SLC25A21: variants seen among roughly 807,000 people sequenced by gnomAD.
SLC25A21 encodes mitochondrial 2-oxodicarboxylate carrier.
Under a neutral mutation model 43.8 loss-of-function variants are expected in SLC25A21, and 47 were observed. That is an observed-to-expected ratio of 1.07 (90% CI 0.85 to 1.37). SLC25A21 has a LOEUF of 1.37. Among genes scored for constraint, SLC25A21 ranks in the 40% most tolerant of loss-of-function variants. The pLI is 0.00. For synonymous variants in SLC25A21, 131 were observed against 121.3 expected, an observed-to-expected ratio of 1.08 and a Z score of -0.52; for missense variants, 352 against 350.2, an observed-to-expected ratio of 1.00 and a Z score of -0.04.
At chr14:37,125,600 G>C (rs1963283466) in intron 1 of SLC25A21, among the ~76,000 whole-genome samples, 1 of 152,190 alleles carries the variant, frequency 6.6e-6, no homozygotes, top group African/African-American at 2.4e-5. Context: ...TACAGGATTA[G>C]ATTTTATTTA....
chr14:36,811,377 G>A (rs998061180), intron 3 of SLC25A21, among the ~76,000 whole-genome samples: 2 of 152,108 alleles, frequency 1.3e-5, no homozygotes, highest in Non-Finnish European at 2.9e-5. Flanking sequence ...TTGGCTGGGT[G>A]TGGTGGCTCA....
At chr14:36,829,437 CAAAGAT>C (rs1888954625) in intron 2 of SLC25A21, among the ~76,000 whole-genome samples, 1 of 152,130 alleles carries the variant, frequency 6.6e-6, no homozygotes, top group Non-Finnish European at 1.5e-5. Flanking sequence ...GGAGACTTCT[CAAAGAT>C]AAAGAGTTTT....
intron 3 of SLC25A21, among the ~76,000 whole-genome samples, chr14:36,758,874 T>G (rs530351247): frequency 3.9e-5 from 6 of 152,232 alleles, no homozygotes; most frequent in Non-Finnish European, 8.8e-5. Flanking sequence ...AACAATCAAG[T>G]GTGAGTTACA....
chr14:36,818,302 A>G (rs1888520900), intron 2 of SLC25A21, among the ~76,000 whole-genome samples: 1 of 152,194 alleles, frequency 6.6e-6, no homozygotes, highest in South Asian at 2.1e-4. Flanking sequence ...ATTTTAGAAC[A>G]GGCAACAAGA....
intron 1 of SLC25A21, among the ~76,000 whole-genome samples, chr14:36,978,348 TA>T (rs1452501124): frequency 1.5e-4 from 23 of 152,368 alleles, no homozygotes; most frequent in African/African-American, 5.5e-4. Flanking sequence ...TACACTATAC[TA>T]TAGTCTATTA....
intron 1 of SLC25A21, among the ~76,000 whole-genome samples, chr14:37,092,438 C>T (rs1267738430): frequency 1.3e-5 from 2 of 152,148 alleles, no homozygotes; most frequent in African/African-American, 4.8e-5. Context: ...CTCCTCCGTC[C>T]TCCTACCTAC....
intron 7 of SLC25A21, among the ~76,000 whole-genome samples, chr14:36,695,126 T>A (rs982038862): frequency 2.7e-5 from 4 of 150,798 alleles, no homozygotes; most frequent in Non-Finnish European, 4.5e-5. Flanking sequence ...TTTCTACATA[T>A]GGCTAGCCTG....
At chr14:37,043,376 C>T (rs1462340606) in intron 1 of SLC25A21, among the ~76,000 whole-genome samples, 2 of 152,180 alleles carry the variant, frequency 1.3e-5, no homozygotes, top group Non-Finnish European at 2.9e-5. Context: ...TCCAAAAGAC[C>T]GTTCAGGATA....
At chr14:37,154,907 G>A (rs1046655777) in intron 1 of SLC25A21, among the ~76,000 whole-genome samples, 6 of 152,160 alleles carry the variant, frequency 3.9e-5, no homozygotes, top group Non-Finnish European at 7.4e-5. Flanking sequence ...CTCCCAAAGT[G>A]CTGGGATTAT....
intron 1 of SLC25A21, among the ~76,000 whole-genome samples, chr14:36,987,687 ATAGT>A (rs1173735349): frequency 4.6e-5 from 7 of 152,186 alleles, no homozygotes; most frequent in Non-Finnish European, 1.0e-4. Context: ...CCTTCATTAA[ATAGT>A]TAGGTTGTTT....
intron 1 of SLC25A21, among the ~76,000 whole-genome samples, chr14:37,111,146 C>G (rs59281738): frequency 6.6e-6 from 1 of 152,106 alleles, no homozygotes. Context: ...TTGAAGGTTT[C>G]TAAACTTTTG....
intron 1 of SLC25A21, among the ~76,000 whole-genome samples, chr14:36,967,161 A>G (rs1455968852): frequency 6.6e-6 from 1 of 152,154 alleles, no homozygotes; most frequent in South Asian, 2.1e-4. Flanking sequence ...ATCACTACTA[A>G]CTGAAGATCA....
intron 3 of SLC25A21, among the ~76,000 whole-genome samples, chr14:36,768,372 G>A (rs1011779008): frequency 1.3e-5 from 2 of 152,084 alleles, no homozygotes; most frequent in African/African-American, 4.8e-5. Flanking sequence ...ACCAGAATTG[G>A]TAAGCTGACA....
At chr14:36,917,467 A>G (rs1475275365) in intron 1 of SLC25A21, among the ~76,000 whole-genome samples, 2 of 152,082 alleles carry the variant, frequency 1.3e-5, no homozygotes, top group Non-Finnish European at 2.9e-5. Context: ...ATAATTTTGT[A>G]TATATCTGTG....
intron 7 of SLC25A21, among the ~76,000 whole-genome samples, chr14:36,704,994 T>C (rs1201795231): frequency 1.3e-5 from 2 of 152,164 alleles, no homozygotes; most frequent in Admixed American, 1.3e-4. Context: ...ATCACTAATC[T>C]GAAGTTAAAA....
intron 1 of SLC25A21, among the ~76,000 whole-genome samples, chr14:36,965,109 G>A (rs1959582536): frequency 1.3e-5 from 2 of 151,982 alleles, no homozygotes; most frequent in Non-Finnish European, 1.5e-5. Context: ...CATTCTTTTT[G>A]TAAATATCTG....
intron 2 of SLC25A21, among the ~76,000 whole-genome samples, chr14:36,866,322 G>T (rs532390643): frequency 1.8e-4 from 28 of 152,218 alleles, no homozygotes; most frequent in African/African-American, 6.0e-4. Flanking sequence ...TTTATGTAGT[G>T]TGCACCTGAT....
intron 2 of SLC25A21, among the ~76,000 whole-genome samples, chr14:36,871,676 G>T (rs1376728796): frequency 6.6e-6 from 1 of 152,096 alleles, no homozygotes. Context: ...CTTAGCATTG[G>T]TGATTTTAGC....
intron 2 of SLC25A21, among the ~76,000 whole-genome samples, chr14:36,841,400 C>T (rs1314783282): frequency 6.6e-6 from 1 of 152,204 alleles, no homozygotes; most frequent in Admixed American, 6.5e-5. Context: ...ACACAGTCCT[C>T]CAGAATTCAC....
Sources: gnomAD v4.1 joint callset for allele counts (sites outside exome capture counted in the v4.1 genomes callset) on GRCh38, gnomAD v4.1.1 for gene constraint, MANE v1.5 for transcripts, NCBI Gene and HGNC (gene_info 2026-07-23, HGNC 2026-07-21) for gene names.